The following SLIT3 variants were observed in gnomAD, a reference collection of about 807,000 sequenced individuals.
SLIT3 encodes the protein slit guidance ligand 3.
Under a neutral mutation model 184.0 loss-of-function variants are expected in SLIT3, and 68 were observed. The observed-to-expected ratio is 0.37, with a 90% confidence interval of 0.30 to 0.45. The LOEUF (loss-of-function observed/expected upper bound fraction) is 0.45. Ranked by LOEUF, SLIT3 falls within the 20% of genes least tolerant of loss-of-function variation. The pLI is 1.00. For synonymous variants in SLIT3, 831 were observed against 828.6 expected (o/e 1.00, Z -0.05); for missense variants, 1,707 against 2,026.0 (o/e 0.84, Z 3.02).
At chr5:169,176,141 C>T (rs1762976906) in intron 4 of SLIT3, among the ~76,000 whole-genome samples, 1 of 152,218 alleles carries the variant, frequency 6.6e-6, no homozygotes, top group East Asian at 1.9e-4. Flanking sequence ...AAGTCCTCCA[C>T]TCCTCTTCTT....
rs976109817 is a variant in SLIT3 at position 168,696,361 on chromosome 5, A to G, written c.3013T>C (p.Cys1005Arg). ...INPDDCEDND[C>R]ENNATCVDGI... is the part of the protein sequence containing the mutation. Reference sequence around the variant, plus strand: ...TCCACGCAGGTGGCATTGTTTTCGCAGTCGTTGTCCTCACAGTCATCTGGG... The same window carrying G: ...TCCACGCAGGTGGCATTGTTTTCGCGGTCGTTGTCCTCACAGTCATCTGGG... Residue 1005 changes from cysteine to arginine, a missense_variant, in exon 28 of 36, where the codon TGC becomes CGC. By Grantham distance (180) the Cys-to-Arg change is radical. This residue lies in a region of SLIT3 where 1,307 missense variants were observed against 1,511.6 expected (regional missense o/e 0.86). Transcript: ENST00000519560. The G allele has an allele frequency of 6.2e-7, 1 of 1,614,182 alleles. No homozygotes were observed. The highest frequency in any genetic ancestry group is 8.5e-7 in the Non-Finnish European group (1 of 1,180,030).
chr5:168,829,342 A>G (rs1323923857), intron 6 of SLIT3, among the ~76,000 whole-genome samples: 1 of 152,244 alleles, frequency 6.6e-6, no homozygotes, highest in Non-Finnish European at 1.5e-5. Context: ...CATCTGCAGT[A>G]AGTGCCACTG....
intron 24 of SLIT3, among the ~76,000 whole-genome samples, chr5:168,712,031 G>A (rs1762575365): frequency 6.6e-6 from 1 of 152,168 alleles, no homozygotes; most frequent in Non-Finnish European, 1.5e-5. Flanking sequence ...TATCTAAAGT[G>A]TTTACCCCAT....
At chr5:168,692,250 C>T (rs1262524908) in intron 29 of SLIT3, among the ~76,000 whole-genome samples, 1 of 152,190 alleles carries the variant, frequency 6.6e-6, no homozygotes, top group Non-Finnish European at 1.5e-5. Flanking sequence ...TGGAATTGCT[C>T]TACTTCTTTA....
At chr5:169,125,978 C>T (rs1443003507) in intron 4 of SLIT3, among the ~76,000 whole-genome samples, 1 of 152,126 alleles carries the variant, frequency 6.6e-6, no homozygotes, top group African/African-American at 2.4e-5. Flanking sequence ...AGATCACACT[C>T]CTCAGGAACT....
At chr5:168,691,364 G>T (rs1451502076) in intron 29 of SLIT3, among the ~76,000 whole-genome samples, 7 of 152,142 alleles carry the variant, frequency 4.6e-5, no homozygotes, top group Admixed American at 4.6e-4. Flanking sequence ...TGAGATCTTG[G>T]GGTTCCCTGA....
intron 1 of SLIT3, among the ~76,000 whole-genome samples, chr5:169,296,477 C>T (rs1033316088): frequency 3.9e-5 from 6 of 152,172 alleles, no homozygotes; most frequent in Non-Finnish European, 7.3e-5. Context: ...TTAGTCTGTC[C>T]AGGAGGGCAC....
chr5:168,850,162 A>C (rs1457069404), intron 5 of SLIT3, among the ~76,000 whole-genome samples: 2 of 152,234 alleles, frequency 1.3e-5, no homozygotes, highest in African/African-American at 4.8e-5. Flanking sequence ...TACTGGTTAC[A>C]CTTCCTCAGA....
intron 18 of SLIT3, chr5:168,752,724 A>G: frequency 1.9e-6 from 1 of 535,844 alleles, no homozygotes; most frequent in South Asian, 2.4e-5. Context: ...ATCACTGTGG[A>G]CATGCTTTCT....
chr5:169,240,398 A>G (rs1029223695), intron 3 of SLIT3, among the ~76,000 whole-genome samples: 28 of 151,542 alleles, frequency 1.8e-4, no homozygotes, highest in African/African-American at 5.8e-4. Flanking sequence ...TTTGCTTTCC[A>G]TATTTTCAGG....
At chr5:168,927,450 T>C (rs370175608) in intron 4 of SLIT3, among the ~76,000 whole-genome samples, 4 of 152,322 alleles carry the variant, frequency 2.6e-5, no homozygotes, top group African/African-American at 9.6e-5. Context: ...GGTACGACAA[T>C]GTGAATAGAC....
chr5:168,873,144 A>C (rs961032957), intron 5 of SLIT3, among the ~76,000 whole-genome samples: 3 of 152,040 alleles, frequency 2.0e-5, no homozygotes, highest in African/African-American at 7.3e-5. Flanking sequence ...TTTCCCGGCC[A>C]ATCTCTCAGA....
At chr5:169,098,162 G>T (rs1759860590) in intron 4 of SLIT3, among the ~76,000 whole-genome samples, 1 of 152,008 alleles carries the variant, frequency 6.6e-6, no homozygotes, top group African/African-American at 2.4e-5. Flanking sequence ...CACACATGGG[G>T]TTTCATGCCT....
intron 2 of SLIT3, among the ~76,000 whole-genome samples, chr5:169,248,619 T>C (rs1490941973): frequency 1.3e-5 from 2 of 152,204 alleles, no homozygotes; most frequent in Non-Finnish European, 2.9e-5. Flanking sequence ...TTCAGCTTTT[T>C]TGGCATTGTT....
intron 4 of SLIT3, among the ~76,000 whole-genome samples, chr5:169,084,981 C>T (rs1346595683): frequency 6.6e-6 from 1 of 152,190 alleles, no homozygotes; most frequent in African/African-American, 2.4e-5. Flanking sequence ...AGTGTCTAAT[C>T]CCTGCTATCA....
chr5:168,724,876 T>C (rs1315047661), intron 20 of SLIT3, among the ~76,000 whole-genome samples: 1 of 152,196 alleles, frequency 6.6e-6, no homozygotes. Flanking sequence ...GAAGAAAAGT[T>C]CAGAGATGTT....
chr5:168,980,356 G>A (rs1451993578), intron 4 of SLIT3, among the ~76,000 whole-genome samples: 1 of 152,086 alleles, frequency 6.6e-6, no homozygotes, highest in African/African-American at 2.4e-5. Context: ...CCAAGGGGAA[G>A]GCTGCTTCCC....
At chr5:169,148,386 G>A (rs902510613) in intron 4 of SLIT3, among the ~76,000 whole-genome samples, 4 of 152,296 alleles carry the variant, frequency 2.6e-5, no homozygotes, top group Non-Finnish European at 4.4e-5. Flanking sequence ...ATGACAAAAC[G>A]TCCACACGGG....
At position 168,825,775 on chromosome 5, in the gene SLIT3, A is replaced by G. The variant is rs138442565; in HGVS notation, c.558-2444T>C. ...CTGAAGAATTTGTCACTGCTATCAG[A>G]CCAGGCACTCTGCCTTGGCAGGGAG... On this transcript the variant is annotated intron_variant, in intron 6 of 35. Coordinates refer to ENST00000519560, the MANE Select transcript of SLIT3 (RefSeq NM_003062.4). Among the ~76,000 whole-genome samples, 356 of 152,330 alleles carry G rather than the reference A, an allele frequency of 2.3e-3. 3 individuals carry two copies. Among genetic ancestry groups the G allele is most frequent in the Non-Finnish European group, 4.2e-3 (286 of 68,028 alleles).
Sources: gnomAD v4.1 joint callset for allele counts (sites outside exome capture counted in the v4.1 genomes callset) on GRCh38, gnomAD v4.1.1 for gene constraint, gnomAD v4.1.1 regional missense constraint, MANE v1.5 for transcripts, NCBI Gene and HGNC (gene_info 2026-07-23, HGNC 2026-07-21) for gene names.